SUGCT: variants seen among roughly 807,000 people sequenced by gnomAD.
SUGCT encodes the protein succinyl-CoA:glutarate-CoA transferase.
Under a neutral mutation model 55.0 loss-of-function variants are expected in SUGCT, and 41 were observed. That is an observed-to-expected ratio of 0.74 (90% CI 0.58 to 0.97). The LOEUF (loss-of-function observed/expected upper bound fraction) is 0.97. SUGCT is among the 50% of genes least tolerant of loss of function. The pLI, the probability that SUGCT is intolerant of heterozygous loss-of-function variation, is 0.00. For missense variants in SUGCT, 568 were observed against 547.8 expected (o/e 1.04, Z -0.37); for synonymous variants, 187 against 200.4 (o/e 0.93, Z 0.56).
intron 13 of SUGCT, among the ~76,000 whole-genome samples, chr7:40,796,916 A>C (rs1790579342): frequency 6.6e-6 from 1 of 152,194 alleles, no homozygotes; most frequent in African/African-American, 2.4e-5. Flanking sequence ...GAGATGAGAC[A>C]AGGCAGGTCC....
chr7:40,372,361 C>T lies in SUGCT; in HGVS notation c.816+55506C>T, dbSNP rs373141129. ...TGTTAGCAAAGCACTTTGCAATCGA[C>T]GAATGAAACTAATTGTAAAAATGTA... On this transcript the variant is annotated intron_variant, in intron 9 of 13. Coordinates refer to ENST00000335693, the MANE Select transcript of SUGCT (RefSeq NM_001193313.2). Among the ~76,000 whole-genome samples, 38 of 152,084 alleles carry T rather than the reference C, an allele frequency of 2.5e-4. No individual in the cohort carries two copies. In the South Asian group the frequency reaches 5.2e-3, roughly 21 times the overall value.
At chr7:40,828,787 G>A (rs1024314304) in intron 13 of SUGCT, among the ~76,000 whole-genome samples, 3 of 152,058 alleles carry the variant, frequency 2.0e-5, no homozygotes, top group African/African-American at 4.8e-5. Context: ...CTCCAGCGGC[G>A]CCACAGTTCC....
At chr7:40,638,710 A>G (rs1188716945) in intron 12 of SUGCT, among the ~76,000 whole-genome samples, 1 of 152,142 alleles carries the variant, frequency 6.6e-6, no homozygotes, top group Non-Finnish European at 1.5e-5. Context: ...AGCAGGGTGT[A>G]TATTAGGAAA....
chr7:40,882,263 T>C, the SUGCT span, among the ~76,000 whole-genome samples: 1 of 152,224 alleles, frequency 6.6e-6, no homozygotes, highest in African/African-American at 2.4e-5. Flanking sequence ...CAATTTTACA[T>C]AAAGCTCTGT....
the SUGCT span, among the ~76,000 whole-genome samples, chr7:40,942,765 GTC>G: frequency 7.9e-6 from 1 of 126,270 alleles, no homozygotes; most frequent in African/African-American, 2.6e-5. Context: ...TAAATTCTCT[GTC>G]TTTTTTTTTT....
At chr7:40,394,802 C>A (rs529636767) in intron 9 of SUGCT, among the ~76,000 whole-genome samples, 1 of 152,206 alleles carries the variant, frequency 6.6e-6, no homozygotes, top group Admixed American at 6.5e-5. Context: ...ATTTTTTATG[C>A]CTGGCTTATT....
At chr7:40,698,908 C>T (rs961024891) in intron 12 of SUGCT, among the ~76,000 whole-genome samples, 2 of 152,100 alleles carry the variant, frequency 1.3e-5, no homozygotes, top group African/African-American at 2.4e-5. Context: ...CCAAGACTTT[C>T]GGGCTATACC....
In SUGCT at chr7:40,274,521, T is replaced by A. The variant is rs778128318; in HGVS notation, c.585T>A (p.Asp195Glu). ...LMHITGPENGDPVRPGVAMTD... is the reference protein window; with the variant it reads ...LMHITGPENGEPVRPGVAMTD... ...CCCAACCTTCAAATCAGAATGGAGA[T>A]CCAGTTCGCCCAGGAGTAGCTATGA... is the stretch of plus-strand genomic sequence containing the variant. The change falls in exon 8 of 14, where the codon GAT (aspartate) becomes GAA (glutamate). Residue 195 changes from aspartate to glutamate, a missense_variant. Physicochemically the swap from Asp to Glu is conservative, Grantham distance 45. Coordinates refer to ENST00000335693, the MANE Select transcript of SUGCT (RefSeq NM_001193313.2). 3 of 1,612,762 alleles carry A rather than the reference T, an allele frequency of 1.9e-6. No homozygotes were observed. Among genetic ancestry groups the A allele is most frequent in the South Asian group, 2.2e-5 (2 of 90,544 alleles).
rs559258556 is a variant in SUGCT at position 40,509,305 on chromosome 7, C to G, written c.1089+12919C>G. Reference sequence around the variant, plus strand: ...TGGTCCTTTGGCCAAAATACTATGACTTTCATTACCCTAATCTACTGTGCA... The same window carrying G: ...TGGTCCTTTGGCCAAAATACTATGAGTTTCATTACCCTAATCTACTGTGCA... On this transcript the variant is annotated intron_variant, in intron 12 of 13. Coordinates refer to ENST00000335693, the MANE Select transcript of SUGCT (RefSeq NM_001193313.2). 5.9e-5 allele frequency among the ~76,000 whole-genome samples: 9 copies of G among 152,170 alleles called. No homozygotes were observed. In the South Asian group the frequency reaches 1.9e-3, roughly 32 times the overall value.
intron 8 of SUGCT, among the ~76,000 whole-genome samples, chr7:40,297,336 TTTTAATTTCAA>T (rs1794222894): frequency 6.6e-6 from 1 of 152,192 alleles, no homozygotes; most frequent in Non-Finnish European, 1.5e-5. Context: ...TACTTTTTTT[TTTTAATTTCAA>T]TTAGGGTAAT....
At chr7:40,918,437 G>T in the SUGCT span, among the ~76,000 whole-genome samples, 1 of 148,850 alleles carries the variant, frequency 6.7e-6, no homozygotes, top group African/African-American at 2.5e-5. Flanking sequence ...CTCCAGTCTG[G>T]GCGACAGAGC....
In SUGCT at chr7:40,279,454, A is replaced by G. The variant is rs369633079; in HGVS notation, c.720+4798A>G. 2.6e-4 allele frequency among the ~76,000 whole-genome samples: 40 copies of G among 152,222 alleles called. 1 individual carries two copies. The East Asian group carries it at 6.6e-3, about 25-fold the overall frequency. On this transcript the variant is annotated intron_variant, in intron 8 of 13. Coordinates refer to ENST00000335693, the MANE Select transcript of SUGCT (RefSeq NM_001193313.2). ...TTTTGGCCAGAAAAGAGGGAAATGG[A>G]TGTTGGGGAAGCAATCTACAAATAT...
chr7:40,139,182 A>G (rs1226404248), intron 1 of SUGCT, among the ~76,000 whole-genome samples: 3 of 151,126 alleles, frequency 2.0e-5, no homozygotes, highest in Non-Finnish European at 4.4e-5. Flanking sequence ...AAATAAATCC[A>G]GGATTCATAA....
intron 9 of SUGCT, among the ~76,000 whole-genome samples, chr7:40,405,581 A>T (rs1786315110): frequency 1.3e-5 from 2 of 152,108 alleles, no homozygotes; most frequent in Non-Finnish European, 2.9e-5. Flanking sequence ...AGGCCAAGGC[A>T]GGTGGATCAC....
chr7:40,182,197 T>C (rs1320906201), intron 3 of SUGCT, among the ~76,000 whole-genome samples, 169 bp downstream of exon 3: 1 of 152,222 alleles, frequency 6.6e-6, no homozygotes, highest in African/African-American at 2.4e-5. Context: ...CTAACACTAA[T>C]GATATCTTTT....
chr7:40,510,169 C>G, intron 12 of SUGCT, among the ~76,000 whole-genome samples: 1 of 151,308 alleles, frequency 6.6e-6, no homozygotes, highest in Middle Eastern at 3.5e-3. Flanking sequence ...ATAAGGTAAG[C>G]GAATGTTATA....
chr7:40,987,638 A>T, the SUGCT span, among the ~76,000 whole-genome samples: 1 of 152,204 alleles, frequency 6.6e-6, no homozygotes, highest in Non-Finnish European at 1.5e-5. Flanking sequence ...TTTTAAGGTT[A>T]GTTATAATTT....
chr7:40,682,732 C>G (rs1251478005), intron 12 of SUGCT, among the ~76,000 whole-genome samples: 1 of 151,960 alleles, frequency 6.6e-6, no homozygotes, highest in East Asian at 1.9e-4. Flanking sequence ...TCCCCACCCC[C>G]CAAAAAAATC....
chr7:40,549,531 A>G (rs953569356), intron 12 of SUGCT, among the ~76,000 whole-genome samples: 1 of 152,208 alleles, frequency 6.6e-6, no homozygotes, highest in Admixed American at 6.5e-5. Flanking sequence ...TTGGACACAC[A>G]CAACTCTCTA....
Sources: gnomAD v4.1 joint callset for allele counts (sites outside exome capture counted in the v4.1 genomes callset) on GRCh38, gnomAD v4.1.1 for gene constraint, MANE v1.5 for transcripts, NCBI Gene and HGNC (gene_info 2026-07-23, HGNC 2026-07-21) for gene names.